CPAMD8: variants seen among roughly 807,000 people sequenced by gnomAD.
The protein encoded by CPAMD8 is C3 and PZP like alpha-2-macroglobulin domain containing 8, also known as C3 and PZP-like alpha-2-macroglobulin domain-containing protein 8.
Under a neutral mutation model 224.7 loss-of-function variants are expected in CPAMD8, and 146 were observed. That is an observed-to-expected ratio of 0.65 (90% CI 0.57 to 0.75). CPAMD8 has a LOEUF of 0.75. CPAMD8 is among the 30% of genes least tolerant of loss of function. The pLI is 0.00. For missense variants in CPAMD8, 2,301 were observed against 2,537.5 expected (o/e 0.91, Z 2.00); for synonymous variants, 966 against 1,044.6 (o/e 0.92, Z 1.45).
At chr19:16,921,439 G>A (rs1390571578) in intron 27 of CPAMD8, among the ~76,000 whole-genome samples, 3 of 151,998 alleles carry the variant, frequency 2.0e-5, no homozygotes, top group African/African-American at 7.3e-5. Flanking sequence ...GCCTCCCAGG[G>A]GCCCTCCCTG....
rs1378178845 is a variant in CPAMD8, at chr19:16,899,927, A to T, written c.4774-378T>A. Among the ~76,000 whole-genome samples, 21 of 146,984 alleles carry T rather than the reference A, an allele frequency of 1.4e-4. No individual in the cohort carries two copies. The highest frequency in any genetic ancestry group is 6.7e-4 in the Admixed American group (10 of 14,864). On this transcript the variant is annotated intron_variant, in intron 36 of 41. Coordinates refer to ENST00000443236, the MANE Select transcript of CPAMD8 (RefSeq NM_015692.5). The surrounding 1 kb of genome is among the most constrained non-coding windows in gnomAD (Gnocchi z 5.4). ...TTTTTTTTTTTTCAGTTTTTGATTT[A>T]AAAAAATCCACACCCACTCCAAGGC...
intron 9 of CPAMD8, 132 bp from the exon 10 acceptor site, chr19:17,000,654 T>A (rs1365341603): frequency 2.5e-5 from 14 of 563,440 alleles, no homozygotes; most frequent in South Asian, 1.4e-4. Flanking sequence ...ACACCCTGCA[T>A]CCTGTCCTGA....
At chr19:16,977,608 G>C in intron 14 of CPAMD8, 68 bp from the exon 15 acceptor site, 3 of 1,284,134 alleles carry the variant, frequency 2.3e-6, no homozygotes, top group Non-Finnish European at 3.2e-6. Flanking sequence ...CAGCCATTCA[G>C]GCTCTGCCCC....
chr19:16,926,640 T>C (rs2053372270), intron 25 of CPAMD8, among the ~76,000 whole-genome samples: 1 of 152,214 alleles, frequency 6.6e-6, no homozygotes, highest in African/African-American at 2.4e-5. Context: ...TTAGCCTCTC[T>C]GCATGTCTCA....
At chr19:16,944,316 T>C (rs890479305) in intron 22 of CPAMD8, among the ~76,000 whole-genome samples, 3 of 152,222 alleles carry the variant, frequency 2.0e-5, no homozygotes, top group Admixed American at 6.5e-5. Context: ...AGTCTTCTGA[T>C]GCCTGTATCT....
rs192345620 is a variant in CPAMD8 at position 16,905,527 on chromosome 19, C to T, written c.4028-975G>A. ...TGCACTCCAGCCTGGGCAACAAGAG[C>T]GAAACTCCGTTTCAAAAAAAAAAAA... is the stretch of plus-strand genomic sequence containing the variant. On this transcript the variant is annotated intron_variant, in intron 30 of 41. Coordinates refer to ENST00000443236, the MANE Select transcript of CPAMD8 (RefSeq NM_015692.5). Among the ~76,000 whole-genome samples the T allele has an allele frequency of 6.4e-5, 6 of 94,014 alleles. No individual in the cohort carries two copies. The South Asian group carries it at 1.6e-3, about 25-fold the overall frequency. The allele number at this position is 94,014 out of a possible 152,430, so 61.7% of individuals were successfully genotyped here.
rs147144228 is a variant in CPAMD8 at position 16,975,987 on chromosome 19, G to A, written c.1908+15C>T. On this transcript the variant is annotated intron_variant, in intron 16 of 41. Transcript: ENST00000443236. ...CCGTGGAGGTCTAGAACCCAAGCCC[G>A]AGGGGTCTGCTCACCTGGGCAGGAG... The A allele has an allele frequency of 7.8e-5, 123 of 1,567,602 alleles. 1 individual carries two copies. Among genetic ancestry groups the A allele is most frequent in the Admixed American group, 3.6e-4 (20 of 54,834 alleles).
chr19:16,937,159 G>A (rs1448676335), intron 23 of CPAMD8, among the ~76,000 whole-genome samples: 4 of 149,436 alleles, frequency 2.7e-5, no homozygotes, highest in Non-Finnish European at 5.9e-5. Context: ...TTTTGAGACA[G>A]GGTTTCTCTC....
chr19:16,987,580 A>G (rs1418720088), intron 13 of CPAMD8, among the ~76,000 whole-genome samples: 1 of 152,190 alleles, frequency 6.6e-6, no homozygotes, highest in Non-Finnish European at 1.5e-5. Context: ...GTAAGAATAC[A>G]GTATATCATG....
At chr19:17,001,630 A>C (rs1427968112) in intron 9 of CPAMD8, among the ~76,000 whole-genome samples, 1 of 152,064 alleles carries the variant, frequency 6.6e-6, no homozygotes, top group African/African-American at 2.4e-5. Context: ...ATGGAAACAA[A>C]GACAGGCAGT....
rs151104169 is a variant in CPAMD8 at position 16,903,848 on chromosome 19, C to A, written c.4261G>T (p.Val1421Leu). The change falls in exon 33 of 42, where the codon GTG (valine) becomes TTG (leucine). Residue 1421 changes from valine to leucine, a missense_variant. By Grantham distance (32) the Val-to-Leu change is conservative. Coordinates refer to ENST00000443236, the MANE Select transcript of CPAMD8 (RefSeq NM_015692.5). ...TATTCAGCCAAGGCCTGCAGAGCCA[C>A]GCAGGTGTCCTGGGGATGGAGGAGG... is the stretch of plus-strand genomic sequence containing the variant. ...GGFSSTQDTCVALQALAEYAI... is the reference protein window; with the variant it reads ...GGFSSTQDTCLALQALAEYAI... The A allele has an allele frequency of 3.1e-6, 5 of 1,613,540 alleles. No individual in the cohort carries two copies. Among genetic ancestry groups the A allele is most frequent in the Non-Finnish European group, 4.2e-6 (5 of 1,179,974 alleles).
At chr19:16,905,452 A>C (rs1477453680) in intron 30 of CPAMD8, among the ~76,000 whole-genome samples, 1 of 143,446 alleles carries the variant, frequency 7.0e-6, no homozygotes, top group Non-Finnish European at 1.5e-5. Context: ...ATGGTGGTGC[A>C]TGCCTGTAAT....
rs1264884681 is a variant in CPAMD8 at position 16,925,266 on chromosome 19, C to A, written c.3477G>T (p.Leu1159Phe). 2 of 1,614,246 alleles carry A rather than the reference C, an allele frequency of 1.2e-6. No homozygotes were observed. Among genetic ancestry groups the A allele is most frequent in the Non-Finnish European group, 1.7e-6 (2 of 1,180,048 alleles). ...GCTGCTGGGTTTTCTGAAGATACTT[C>A]AAGACAAAGACGTTGGGTGCAAAGT... ...MIHFAPNVFV[L>F]KYLQKTQQLS... Residue 1159 changes from leucine to phenylalanine, a missense_variant, in exon 26 of 42, where the codon TTG (leucine) becomes TTT (phenylalanine). This residue lies in a region of CPAMD8 where 1,709 missense variants were observed against 1,753.2 expected (regional missense o/e 0.97). Coordinates refer to ENST00000443236, the MANE Select transcript of CPAMD8 (RefSeq NM_015692.5).
At chr19:16,916,494 C>T (rs2052965405) in intron 27 of CPAMD8, among the ~76,000 whole-genome samples, 1 of 152,110 alleles carries the variant, frequency 6.6e-6, no homozygotes, top group Non-Finnish European at 1.5e-5. Context: ...TCAAGTGATC[C>T]TCCCACCTTG....
intron 20 of CPAMD8, 141 bp from the exon 21 acceptor site, chr19:16,947,368 C>T: frequency 9.4e-7 from 1 of 1,061,318 alleles, no homozygotes; most frequent in South Asian, 1.6e-5. Context: ...CCGGGAAGGT[C>T]CCCTTTCCAT....
intron 23 of CPAMD8, among the ~76,000 whole-genome samples, chr19:16,930,433 C>CAAA (rs35925519): frequency 0.086 from 13,095 of 151,928 alleles, 1,658 homozygotes; most frequent in African/African-American, 0.28. Context: ...GCCTCCTTGA[C>CAAA]GAACAAAAAT....
At chr19:16,906,640 G>C (rs988053083) in intron 30 of CPAMD8, among the ~76,000 whole-genome samples, 7 of 151,810 alleles carry the variant, frequency 4.6e-5, no homozygotes, top group African/African-American at 1.7e-4. Context: ...CTGGCCTCAA[G>C]TGATCTGCCC....
intron 1 of CPAMD8, among the ~76,000 whole-genome samples, chr19:17,025,992 C>A (rs2057071035): frequency 6.6e-6 from 1 of 152,140 alleles, no homozygotes; most frequent in African/African-American, 2.4e-5. Flanking sequence ...CCCCCCTGAA[C>A]CCGCAGCCCT....
At chr19:16,987,437 A>G (rs919833415) in intron 13 of CPAMD8, among the ~76,000 whole-genome samples, 1 of 151,616 alleles carries the variant, frequency 6.6e-6, no homozygotes, top group Non-Finnish European at 1.5e-5. Context: ...AGACCTTTAC[A>G]ATGATCCATT....
Sources: gnomAD v4.1 joint callset for allele counts (sites outside exome capture counted in the v4.1 genomes callset) on GRCh38, gnomAD v4.1.1 for gene constraint, gnomAD v4.1.1 regional missense constraint, Gnocchi (gnomAD v3.1) non-coding constraint, MANE v1.5 for transcripts, NCBI Gene and HGNC (gene_info 2026-07-23, HGNC 2026-07-21) for gene names.